NBEA: variants seen among roughly 807,000 people sequenced by gnomAD.
NBEA encodes the protein neurobeachin, also known as lysosomal-trafficking regulator 2.
NBEA carries 44 observed loss-of-function variants against 343.4 expected under a neutral mutation model. That is an observed-to-expected ratio of 0.13 (90% confidence interval 0.10 to 0.16). The LOEUF (loss-of-function observed/expected upper bound fraction) is 0.16. Among genes scored for constraint, NBEA ranks in the 10% least tolerant of loss-of-function variants. The pLI, the probability that NBEA is intolerant of heterozygous loss-of-function variation, is 1.00. For synonymous variants in NBEA, 1,175 were observed against 1,238.7 expected (o/e 0.95, Z 1.08); for missense variants, 2,555 against 3,631.3 (o/e 0.70, Z 7.62).
At chr13:35,140,456 G>A (rs1020048078) in intron 17 of NBEA, among the ~76,000 whole-genome samples, 1 of 152,110 alleles carries the variant, frequency 6.6e-6, no homozygotes, top group Admixed American at 6.5e-5. Context: ...GGCTTGAGTT[G>A]GAAGAGATTT....
chr13:35,333,512 C>T (rs1431504058), intron 36 of NBEA, among the ~76,000 whole-genome samples: 1 of 151,956 alleles, frequency 6.6e-6, no homozygotes, highest in Non-Finnish European at 1.5e-5. Flanking sequence ...GTATCCAGCG[C>T]CTCAGGCATT....
At chr13:34,960,129 G>A (rs2059614538) in intron 1 of NBEA, among the ~76,000 whole-genome samples, 1 of 152,092 alleles carries the variant, frequency 6.6e-6, no homozygotes, top group Non-Finnish European at 1.5e-5. Context: ...GGGACATGAT[G>A]TGGCGGTGGA....
At chr13:35,366,528 G>C (rs1232405671) in intron 38 of NBEA, among the ~76,000 whole-genome samples, 1 of 150,172 alleles carries the variant, frequency 6.7e-6, no homozygotes, top group East Asian at 1.9e-4. Flanking sequence ...GGTTTTTTTT[G>C]CAATGATGTT....
At chr13:35,650,990 T>G (rs1038581074) in intron 52 of NBEA, among the ~76,000 whole-genome samples, 1 of 152,214 alleles carries the variant, frequency 6.6e-6, no homozygotes, top group African/African-American at 2.4e-5. Flanking sequence ...GGTGATATTA[T>G]CAACGTAAGG....
Position 35,041,067 on chromosome 13 carries a change from T to A in NBEA, c.429T>A (p.Ile143=). The change falls in exon 2 of 59, where the codon ATT becomes ATA. Residue 143 remains isoleucine (I), a synonymous_variant. Transcript: ENST00000379939. ...QAEIWSMFTA[I]LRKSVRNLQT... is the part of the protein sequence containing the mutation. ...AAATATGGAGCATGTTTACAGCCATTCTACGAAAAAGTGTTCGGAATTTAC... is the reference window on the plus strand; with the variant it reads ...AAATATGGAGCATGTTTACAGCCATACTACGAAAAAGTGTTCGGAATTTAC... 1 of 1,613,264 alleles carries A rather than the reference T, an allele frequency of 6.2e-7. No homozygotes were observed. Among genetic ancestry groups the A allele is most frequent in the South Asian group, 1.1e-5 (1 of 91,066 alleles).
chr13:35,400,113 C>G (rs1316356992), intron 38 of NBEA, among the ~76,000 whole-genome samples: 1 of 143,408 alleles, frequency 7.0e-6, no homozygotes, highest in East Asian at 2.1e-4. Flanking sequence ...TAAAATGTGA[C>G]AGAGACACAG....
At chr13:35,343,191 G>A (rs2039681748) in intron 36 of NBEA, among the ~76,000 whole-genome samples, 1 of 151,972 alleles carries the variant, frequency 6.6e-6, no homozygotes, top group South Asian at 2.1e-4. Flanking sequence ...ATTTTCTTAA[G>A]TAAGATGCTA....
At chr13:34,999,524 CAG>C (rs1793410601) in intron 1 of NBEA, among the ~76,000 whole-genome samples, 1 of 152,172 alleles carries the variant, frequency 6.6e-6, no homozygotes, top group African/African-American at 2.4e-5. Context: ...CTTCTTTCAG[CAG>C]AGTGTTCTCA....
At chr13:35,144,894 CA>C (rs1337042991) in intron 18 of NBEA, among the ~76,000 whole-genome samples, 1 of 152,044 alleles carries the variant, frequency 6.6e-6, no homozygotes, top group Non-Finnish European at 1.5e-5. Context: ...CAAGTAAGGA[CA>C]AAGATTCATA....
At chr13:34,998,124 G>A (rs955429761) in intron 1 of NBEA, among the ~76,000 whole-genome samples, 17 of 152,054 alleles carry the variant, frequency 1.1e-4, no homozygotes, top group African/African-American at 3.4e-4. Context: ...CTGGGTATCC[G>A]GGGGAGATAT....
chr13:35,639,227 A>T (rs76856841), intron 49 of NBEA, among the ~76,000 whole-genome samples: 2 of 152,322 alleles, frequency 1.3e-5, no homozygotes, highest in East Asian at 3.9e-4. Flanking sequence ...TTGAATATAA[A>T]ATAGCATTTT....
chr13:35,671,045 G>A lies in NBEA; in HGVS notation c.*54G>A. On this transcript the variant is annotated 3_prime_UTR_variant, in exon 59 of 59. Coordinates refer to ENST00000379939, the MANE Select transcript of NBEA (RefSeq NM_001385012.1). ...AAAGCTGAGAGCACAAGTGCTGCAT[G>A]GAAAGGCAATATCTCTGGTGGAAAA... The A allele has an allele frequency of 2.3e-6, 3 of 1,313,268 alleles. No individual in the cohort carries two copies. The East Asian group carries it at 7.5e-5, about 33-fold the overall frequency. 81.4% of individuals were successfully genotyped at this position (1,313,268 alleles called of 1,614,324 possible). A position where few individuals can be genotyped will look rare whatever the true frequency, so the allele number is the denominator to read the frequency against.
Position 35,293,308 on chromosome 13 carries a change from T to G in NBEA, c.5838+2858T>G, listed in dbSNP as rs2035915397. On this transcript the variant is annotated intron_variant, in intron 35 of 58. Coordinates refer to ENST00000379939, the MANE Select transcript of NBEA (RefSeq NM_001385012.1). ...AAGTCTTAAGAAGAAGCTGTTAATA[T>G]TATCATTCTGATATATTTATCATTC... 2.6e-5 allele frequency among the ~76,000 whole-genome samples: 4 copies of G among 152,040 alleles called. No individual in the cohort carries two copies. In the South Asian group the frequency reaches 8.3e-4, roughly 32 times the overall value.
intron 27 of NBEA, 92 bp downstream of exon 27, chr13:35,173,686 TGATA>T: frequency 1.6e-6 from 2 of 1,255,418 alleles, no homozygotes; most frequent in Non-Finnish European, 2.2e-6. Flanking sequence ...TATTGCTCAG[TGATA>T]GAGAGCAAGG....
At chr13:35,630,843 C>T (rs1205014449) in intron 49 of NBEA, among the ~76,000 whole-genome samples, 1 of 152,126 alleles carries the variant, frequency 6.6e-6, no homozygotes, top group Non-Finnish European at 1.5e-5. Flanking sequence ...TAGGAAGAGC[C>T]TCTATCTCCT....
intron 4 of NBEA, among the ~76,000 whole-genome samples, chr13:35,045,960 C>T (rs1193794854): frequency 1.1e-4 from 16 of 152,066 alleles, no homozygotes; most frequent in Non-Finnish European, 1.3e-4. Flanking sequence ...CTCCTAACCT[C>T]CTGTTTGCCC....
At chr13:35,416,877 T>C (rs911525731) in intron 38 of NBEA, among the ~76,000 whole-genome samples, 2 of 152,224 alleles carry the variant, frequency 1.3e-5, no homozygotes, top group Non-Finnish European at 2.9e-5. Context: ...TGGACTTTTT[T>C]GGTTGGTAGG....
intron 2 of NBEA, among the ~76,000 whole-genome samples, chr13:35,042,546 T>C (rs1379537984): frequency 6.6e-6 from 1 of 151,804 alleles, no homozygotes; most frequent in Admixed American, 6.6e-5. Context: ...ACATGCATAG[T>C]AGTTTACTGG....
intron 28 of NBEA, chr13:35,179,758 T>C: frequency 1.0e-6 from 1 of 984,476 alleles, no homozygotes; most frequent in Non-Finnish European, 1.2e-6. Flanking sequence ...TGGGATATTA[T>C]GGTCTGTCAC....
Sources: allele counts gnomAD v4.1 joint callset (sites outside exome capture counted in the v4.1 genomes callset), GRCh38; gene constraint gnomAD v4.1.1; transcripts MANE v1.5; gene names NCBI Gene and HGNC (gene_info 2026-07-23, HGNC 2026-07-21).